Variants in EEF1AKMT1 observed in about 807,000 individuals in gnomAD.
The protein encoded by EEF1AKMT1 is N-6 adenine-specific DNA methyltransferase 2 (putative).
A neutral mutation model predicts 21.0 loss-of-function variants in EEF1AKMT1; 18 were observed. The ratio of observed to expected loss-of-function variants is 0.86; its 90% CI spans 0.59 to 1.27. EEF1AKMT1 has a LOEUF of 1.27. Among genes scored for constraint, EEF1AKMT1 ranks in the 50% most tolerant of loss-of-function variants. EEF1AKMT1 has a pLI of 0.00. For missense variants in EEF1AKMT1, 246 were observed against 258.6 expected (o/e 0.95, Z 0.33); for synonymous variants, 109 against 94.8 (o/e 1.15, Z -0.87).
chr13:20,766,298 C>CAAAAAAAAAAAAAAAAGAAAAAAAA (rs2059031578), intron 1 of EEF1AKMT1, among the ~76,000 whole-genome samples: 1 of 76,764 alleles, frequency 1.3e-5, no homozygotes, highest in African/African-American at 5.9e-5. Flanking sequence ...GACTCCATCT[C>CAAAAAAAAAAAAAAAAGAAAAAAAA]AAAAAAAAAA....
intron 2 of EEF1AKMT1, among the ~76,000 whole-genome samples, chr13:20,738,772 G>A (rs1011097983): frequency 2.0e-5 from 3 of 152,216 alleles, no homozygotes; most frequent in African/African-American, 4.8e-5. Flanking sequence ...GAAATGTCCC[G>A]AGTAGCAAGT....
At chr13:20,760,006 G>A (rs552050139) in intron 1 of EEF1AKMT1, among the ~76,000 whole-genome samples, 1 of 150,374 alleles carries the variant, frequency 6.7e-6, no homozygotes, top group East Asian at 2.0e-4. Flanking sequence ...TCGGGAGGCT[G>A]AGGCAGGAGA....
chr13:20,729,127 A>C lies in EEF1AKMT1; in HGVS notation c.598T>G (p.Phe200Val). 6.2e-7 allele frequency: 1 copy of C among 1,614,156 alleles called. No homozygotes were observed. Residue 200 changes from phenylalanine (F) to valine (V), a missense_variant, in exon 5 of 5, where the codon TTT (phenylalanine) becomes GTT (valine). Transcript: ENST00000382758. ...PRHTRNLANE[F>V]RCYVNYDSGL... ...GAATCATAATTCACATAACAGCGAA[A>C]CTCATTTGCCAAGTTCCGGGTGTGT... is the stretch of plus-strand genomic sequence containing the variant.
At chr13:20,731,477 CTG>C (rs2058795385) in intron 4 of EEF1AKMT1, among the ~76,000 whole-genome samples, 1 of 152,168 alleles carries the variant, frequency 6.6e-6, no homozygotes, top group South Asian at 2.1e-4. Flanking sequence ...AATGTCTACT[CTG>C]TAACCTCAGG....
intron 2 of EEF1AKMT1, among the ~76,000 whole-genome samples, chr13:20,745,220 A>C (rs1353603372): frequency 6.6e-6 from 1 of 152,220 alleles, no homozygotes; most frequent in South Asian, 2.1e-4. Flanking sequence ...TCTGCAAAGA[A>C]AGTCAATGGT....
At chr13:20,743,222 G>A (rs1376500003) in intron 2 of EEF1AKMT1, among the ~76,000 whole-genome samples, 1 of 151,700 alleles carries the variant, frequency 6.6e-6, no homozygotes, top group African/African-American at 2.4e-5. Context: ...GTCCATTACT[G>A]GGCCTGGCTA....
At chr13:20,755,299 G>A (rs545153086) in intron 2 of EEF1AKMT1, among the ~76,000 whole-genome samples, 2 of 152,328 alleles carry the variant, frequency 1.3e-5, no homozygotes, top group Non-Finnish European at 1.5e-5. Flanking sequence ...TGGGTGTCAT[G>A]GCAGGATGCA....
chr13:20,729,405 T>C (rs1352167660), intron 4 of EEF1AKMT1, among the ~76,000 whole-genome samples, 189 bp from the exon 5 acceptor site: 4 of 152,068 alleles, frequency 2.6e-5, no homozygotes, highest in Non-Finnish European at 5.9e-5. Context: ...ATTTACCAAC[T>C]TTTTTCCATG....
chr13:20,773,224 C>A (rs1466578704), intron 1 of EEF1AKMT1, among the ~76,000 whole-genome samples: 1 of 152,144 alleles, frequency 6.6e-6, no homozygotes, highest in African/African-American at 2.4e-5. Flanking sequence ...CGTACGTGTG[C>A]AGTGCGACGT....
At chr13:20,745,060 C>T (rs1425541603) in intron 2 of EEF1AKMT1, among the ~76,000 whole-genome samples, 1 of 152,144 alleles carries the variant, frequency 6.6e-6, no homozygotes, top group African/African-American at 2.4e-5. Context: ...GTTTTGGCAA[C>T]AGTGCCATGC....
intron 1 of EEF1AKMT1, among the ~76,000 whole-genome samples, chr13:20,766,256 A>C (rs2059030930): frequency 6.7e-6 from 1 of 148,990 alleles, no homozygotes; most frequent in African/African-American, 2.5e-5. Flanking sequence ...CAGAGATCAC[A>C]ACACTGCACT....
intron 2 of EEF1AKMT1, among the ~76,000 whole-genome samples, chr13:20,749,590 G>C (rs948603802): frequency 2.6e-5 from 4 of 152,054 alleles, no homozygotes; most frequent in African/African-American, 9.7e-5. Context: ...AGAATTCTAG[G>C]CTACAGTTGG....
chr13:20,771,926 G>A (rs1346613014), intron 1 of EEF1AKMT1, among the ~76,000 whole-genome samples: 3 of 151,776 alleles, frequency 2.0e-5, no homozygotes, highest in African/African-American at 4.8e-5. Context: ...CAGGAGAATC[G>A]CTTGAACCCA....
intron 2 of EEF1AKMT1, among the ~76,000 whole-genome samples, chr13:20,753,155 C>A (rs1421069566): frequency 6.6e-6 from 1 of 152,066 alleles, no homozygotes; most frequent in African/African-American, 2.4e-5. Context: ...TCCATTGTTT[C>A]AGGAAATTTT....
intron 2 of EEF1AKMT1, among the ~76,000 whole-genome samples, chr13:20,743,767 C>A (rs2058886650): frequency 6.6e-6 from 1 of 150,550 alleles, no homozygotes; most frequent in African/African-American, 2.5e-5. Context: ...TGGTTTGGGG[C>A]ACTAATCAAC....
rs372921225 is a variant in EEF1AKMT1, at chr13:20,730,814, G to A, written c.508+1027C>T. 1.3e-4 allele frequency among the ~76,000 whole-genome samples: 20 copies of A among 152,338 alleles called. No homozygotes were observed. In the East Asian group the frequency reaches 3.3e-3, roughly 25 times the overall value. ...GGCAGGGACAAACGAGGGAATAAAAGCTGGCCACCCCGCAGCCAGCAGTGC... is the reference window on the plus strand; with the variant it reads ...GGCAGGGACAAACGAGGGAATAAAAACTGGCCACCCCGCAGCCAGCAGTGC... On this transcript the variant is annotated intron_variant, in intron 4 of 4. Transcript: ENST00000382758.
chr13:20,755,783 A>G (rs1308506447), intron 2 of EEF1AKMT1, among the ~76,000 whole-genome samples: 4 of 152,204 alleles, frequency 2.6e-5, no homozygotes, highest in African/African-American at 9.7e-5. Flanking sequence ...CCTCAATTTT[A>G]TAATCAAACC....
chr13:20,732,612 C>T (rs1418909848), intron 3 of EEF1AKMT1, among the ~76,000 whole-genome samples: 1 of 152,298 alleles, frequency 6.6e-6, no homozygotes, highest in East Asian at 1.9e-4. Context: ...GGATTACAGG[C>T]ATGAGCTACC....
chr13:20,756,647 TGAA>T (rs1342448870), intron 2 of EEF1AKMT1, among the ~76,000 whole-genome samples: 14 of 152,306 alleles, frequency 9.2e-5, no homozygotes, highest in Admixed American at 8.5e-4. Flanking sequence ...GCCTCCAAGA[TGAA>T]GACAGTTTAA....
Sources: gnomAD v4.1 joint callset for allele counts (sites outside exome capture counted in the v4.1 genomes callset) on GRCh38, gnomAD v4.1.1 for gene constraint, MANE v1.5 for transcripts, NCBI Gene and HGNC (gene_info 2026-07-23, HGNC 2026-07-21) for gene names.